Variants in AK9 observed in about 807,000 individuals in gnomAD.
The protein encoded by AK9 is adenylate kinase 9.
In AK9, 191 loss-of-function variants were observed where a neutral mutation model predicts 239.6. That is an observed-to-expected ratio of 0.80 (90% CI 0.71 to 0.90). The LOEUF (loss-of-function observed/expected upper bound fraction) is 0.90. Ranked by LOEUF, AK9 falls within the 40% of genes least tolerant of loss-of-function variation. AK9 has a pLI of 0.00. For synonymous variants in AK9, 689 were observed against 721.0 expected, an observed-to-expected ratio of 0.96 and a Z score of 0.71; for missense variants, 1,995 against 2,214.7, an observed-to-expected ratio of 0.90 and a Z score of 1.99.
Position 109,573,542 on chromosome 6 carries a change from C to A in AK9, c.2244G>T (p.Leu748Phe), listed in dbSNP as rs188116177. 438 of 1,551,092 alleles carry A rather than the reference C, an allele frequency of 2.8e-4. 2 individuals carry two copies. Among genetic ancestry groups the A allele is most frequent in the East Asian group, 8.3e-4 (34 of 40,924 alleles). The change falls in exon 21 of 41, where the codon TTG (leucine) becomes TTT (phenylalanine). Residue 748 changes from leucine to phenylalanine, a missense_variant. Physicochemically the swap from Leu to Phe is conservative, Grantham distance 22. Around this residue, in one of 5 missense-constraint regions of AK9, gnomAD observed 1,290 missense variants for 1,392.7 expected, o/e 0.93. Transcript: ENST00000424296. ...EDEEEIEGDELEVHEEPEASH... is the reference protein window; with the variant it reads ...EDEEEIEGDEFEVHEEPEASH... ...ATGCCTCAGGCTCTTCGTGAACTTC[C>A]AACTCATCACCTTCAATCTCCTCTT...
intron 35 of AK9, among the ~76,000 whole-genome samples, chr6:109,503,170 G>A (rs1484580093): frequency 6.6e-6 from 1 of 151,720 alleles, no homozygotes; most frequent in South Asian, 2.1e-4. Flanking sequence ...TAGTACTATA[G>A]TACAATAATA....
chr6:109,550,476 A>G (rs1288696162), intron 24 of AK9, 174 bp from the exon 25 acceptor site: 1 of 526,592 alleles, frequency 1.9e-6, no homozygotes, highest in African/African-American at 2.0e-5. Context: ...CTCATATATT[A>G]CTCTAAGTGC....
At chr6:109,497,355 CA>C in intron 38 of AK9, 109 bp downstream of exon 38, 8 of 659,976 alleles carry the variant, frequency 1.2e-5, no homozygotes, top group East Asian at 3.3e-5. Flanking sequence ...CACACACACA[CA>C]CACACACTCT....
At chr6:109,497,416 T>A in intron 38 of AK9, 49 bp downstream of exon 38, 1 of 1,201,986 alleles carries the variant, frequency 8.3e-7, no homozygotes, top group Non-Finnish European at 1.2e-6. Context: ...CCCAGCATGT[T>A]GCATGCAACA....
intron 12 of AK9, among the ~76,000 whole-genome samples, chr6:109,628,835 C>T (rs986434953): frequency 2.1e-4 from 32 of 152,074 alleles, no homozygotes; most frequent in Admixed American, 1.8e-3. Flanking sequence ...GATCTGTAGG[C>T]GCTCTAAGTA....
intron 18 of AK9, among the ~76,000 whole-genome samples, 158 bp downstream of exon 18, chr6:109,585,758 A>G (rs1172271532): frequency 1.3e-5 from 2 of 152,156 alleles, no homozygotes; most frequent in African/African-American, 4.8e-5. Context: ...CCTTCTCAGT[A>G]TATGGAAGCC....
At chr6:109,679,802 C>T (rs1298442834) in intron 1 of AK9, among the ~76,000 whole-genome samples, 1 of 152,172 alleles carries the variant, frequency 6.6e-6, no homozygotes, top group Non-Finnish European at 1.5e-5. Flanking sequence ...GTTGGTGATA[C>T]CCAGGAAAAC....
At chr6:109,538,956 G>A (rs1180888843) in intron 27 of AK9, among the ~76,000 whole-genome samples, 1 of 152,192 alleles carries the variant, frequency 6.6e-6, no homozygotes, top group Admixed American at 6.5e-5. Flanking sequence ...GGCTTGTAGA[G>A]TTTCTGCCGA....
intron 5 of AK9, among the ~76,000 whole-genome samples, chr6:109,667,312 T>A (rs1466629614): frequency 2.0e-5 from 3 of 147,468 alleles, no homozygotes; most frequent in Middle Eastern, 3.5e-3. Flanking sequence ...TTTTTTTTTT[T>A]AATTCTCTTT....
chr6:109,620,190 G>C (rs1229899005), intron 12 of AK9, among the ~76,000 whole-genome samples: 1 of 152,034 alleles, frequency 6.6e-6, no homozygotes, highest in Non-Finnish European at 1.5e-5. Flanking sequence ...GAAATTCCTG[G>C]GTCATATGGT....
intron 17 of AK9, among the ~76,000 whole-genome samples, chr6:109,601,382 C>A (rs1442006054): frequency 6.6e-6 from 1 of 152,156 alleles, no homozygotes; most frequent in African/African-American, 2.4e-5. Flanking sequence ...TGTAGTTGAG[C>A]AGTTTTGAGT....
chr6:109,566,398 G>T (rs962748123), intron 21 of AK9, among the ~76,000 whole-genome samples: 1 of 152,056 alleles, frequency 6.6e-6, no homozygotes, highest in Non-Finnish European at 1.5e-5. Flanking sequence ...TTGATCCAAA[G>T]ATTCAGATGA....
chr6:109,587,100 G>T (rs1789602902), intron 17 of AK9, among the ~76,000 whole-genome samples: 1 of 151,976 alleles, frequency 6.6e-6, no homozygotes, highest in Non-Finnish European at 1.5e-5. Context: ...GCACCACTAT[G>T]TCCATCTTGC....
intron 5 of AK9, among the ~76,000 whole-genome samples, chr6:109,664,715 G>A (rs951946848): frequency 8.1e-4 from 121 of 149,212 alleles, no homozygotes; most frequent in African/African-American, 2.8e-3. Context: ...GAGCCACCAC[G>A]TCAGGCCACA....
Position 109,564,126 on chromosome 6 carries a change from G to A in AK9, c.2589C>T (p.Asp863=). 6.4e-7 allele frequency: 1 copy of A among 1,551,332 alleles called. No individual in the cohort carries two copies. Among genetic ancestry groups the A allele is most frequent in the Non-Finnish European group, 8.7e-7 (1 of 1,146,846 alleles). Residue 863 remains aspartate (D), a synonymous_variant, in exon 23 of 41, where the codon GAC becomes GAT. Transcript: ENST00000424296. ...YIKILNLEIA[D]RTPQELLQKV... ...TTTGAAGTAATTCCTGTGGAGTTCT[G>A]TCAGCAATCTCCAAGTTTAAAATTT...
chr6:109,562,206 C>T (rs568700429), intron 24 of AK9, among the ~76,000 whole-genome samples: 48 of 152,280 alleles, frequency 3.2e-4, no homozygotes, highest in Non-Finnish European at 3.8e-4. Flanking sequence ...ATGCTCTTCT[C>T]ATTTTTTTTC....
chr6:109,623,363 A>G (rs550156300), intron 12 of AK9, among the ~76,000 whole-genome samples: 1 of 152,308 alleles, frequency 6.6e-6, no homozygotes, highest in Admixed American at 6.5e-5. Flanking sequence ...TAAGTCATGA[A>G]AAACATTATA....
chr6:109,569,230 T>C (rs1368274326), intron 21 of AK9, among the ~76,000 whole-genome samples: 1 of 152,156 alleles, frequency 6.6e-6, no homozygotes, highest in Non-Finnish European at 1.5e-5. Flanking sequence ...TAGCCATATG[T>C]AGAAAGCTAA....
intron 9 of AK9, among the ~76,000 whole-genome samples, chr6:109,643,166 T>C (rs560652418): frequency 1.1e-4 from 16 of 152,288 alleles, no homozygotes; most frequent in African/African-American, 3.6e-4. Flanking sequence ...CAAATGCTGC[T>C]TCTATTATAG....
Sources: gnomAD v4.1 joint callset for allele counts (sites outside exome capture counted in the v4.1 genomes callset) on GRCh38, gnomAD v4.1.1 for gene constraint, gnomAD v4.1.1 regional missense constraint, MANE v1.5 for transcripts, NCBI Gene and HGNC (gene_info 2026-07-23, HGNC 2026-07-21) for gene names.